Variants in TANGO6 observed in about 807,000 individuals in gnomAD.
TANGO6 encodes the protein transport and golgi organization 6 homolog, also known as transport and Golgi organization protein 6 homolog.
A neutral mutation model predicts 114.2 loss-of-function variants in TANGO6; 90 were observed. The observed-to-expected ratio is 0.79, with a 90% CI of 0.66 to 0.94. The LOEUF (loss-of-function observed/expected upper bound fraction) is 0.94, where lower values mean the gene tolerates loss of function less well. TANGO6 is among the 40% of genes least tolerant of loss of function. TANGO6 has a pLI of 0.00. For synonymous variants in TANGO6, 477 were observed against 509.8 expected (o/e 0.94, Z 0.87); for missense variants, 1,274 against 1,315.3 (o/e 0.97, Z 0.49).
At chr16:69,042,407 C>T (rs932017614) in intron 17 of TANGO6, among the ~76,000 whole-genome samples, 4 of 152,090 alleles carry the variant, frequency 2.6e-5, no homozygotes, top group Admixed American at 2.0e-4. Flanking sequence ...ATTAGCCAGG[C>T]GTGGTGGCAG....
At chr16:68,872,438 A>T (rs764121133) in intron 4 of TANGO6, among the ~76,000 whole-genome samples, 43 of 151,286 alleles carry the variant, frequency 2.8e-4, no homozygotes, top group Non-Finnish European at 5.6e-4. Context: ...AGTAGCTGGG[A>T]CTACAGGTGT....
At chr16:69,057,294 C>G (rs1347912746) in intron 17 of TANGO6, among the ~76,000 whole-genome samples, 1 of 152,056 alleles carries the variant, frequency 6.6e-6, no homozygotes, top group Non-Finnish European at 1.5e-5. Flanking sequence ...ACACAAAACA[C>G]TTTTATTTAG....
intron 16 of TANGO6, among the ~76,000 whole-genome samples, chr16:69,029,457 A>T (rs1959558400): frequency 6.6e-6 from 1 of 152,216 alleles, no homozygotes; most frequent in African/African-American, 2.4e-5. Context: ...AGTATTCCGG[A>T]CACCTAAGAC....
At chr16:68,933,015 C>G (rs1481746980) in intron 14 of TANGO6, among the ~76,000 whole-genome samples, 1 of 152,202 alleles carries the variant, frequency 6.6e-6, no homozygotes, top group Admixed American at 6.5e-5. Context: ...TTGTTATCAT[C>G]ATCAGAATCT....
intron 11 of TANGO6, among the ~76,000 whole-genome samples, chr16:68,913,354 G>A (rs1962953442): frequency 6.6e-6 from 1 of 151,162 alleles, no homozygotes. Context: ...CTAGATGTCT[G>A]CATGTGGAGA....
At chr16:68,881,266 C>T (rs550846204) in intron 7 of TANGO6, among the ~76,000 whole-genome samples, 11 of 152,316 alleles carry the variant, frequency 7.2e-5, no homozygotes, top group African/African-American at 2.2e-4. Context: ...GTCATCCCAG[C>T]ACTTTGAGAG....
intron 8 of TANGO6, 98 bp from the exon 9 acceptor site, chr16:68,902,230 G>C: frequency 8.6e-7 from 1 of 1,164,090 alleles, no homozygotes; most frequent in Non-Finnish European, 1.2e-6. Flanking sequence ...CATTTAAAAT[G>C]CAGTGGAACC....
At chr16:69,041,443 T>C (rs1324593490) in intron 17 of TANGO6, among the ~76,000 whole-genome samples, 1 of 148,192 alleles carries the variant, frequency 6.7e-6, no homozygotes. Flanking sequence ...TGAAATTCTG[T>C]CTCAAAAAAA....
At chr16:69,080,031 C>T (rs1031149008) in intron 17 of TANGO6, among the ~76,000 whole-genome samples, 21 of 151,612 alleles carry the variant, frequency 1.4e-4, no homozygotes, top group African/African-American at 3.4e-4. Flanking sequence ...GACCAGCCTG[C>T]GCAATATAGC....
intron 15 of TANGO6, among the ~76,000 whole-genome samples, chr16:69,021,493 T>C (rs1346456969): frequency 6.6e-6 from 1 of 152,160 alleles, no homozygotes; most frequent in Non-Finnish European, 1.5e-5. Flanking sequence ...TAGTATGTAT[T>C]ACCTTCTAAC....
In TANGO6 at chr16:68,859,955, G is replaced by C. The variant is rs770179368; in HGVS notation, c.166G>C (p.Ala56Pro). ...LLATLKSNLSALEDKFLKDPQ... is the reference protein window; with the variant it reads ...LLATLKSNLSPLEDKFLKDPQ... ...GGCTACTTTAAAATCTAACCTGTCTGCTTTGGAGGACAAGTTTCTGAAGGA... is the reference window on the plus strand; with the variant it reads ...GGCTACTTTAAAATCTAACCTGTCTCCTTTGGAGGACAAGTTTCTGAAGGA... Residue 56 changes from alanine (A) to proline (P), a missense_variant, in exon 2 of 18, where the codon GCT (alanine) becomes CCT (proline). Ala to Pro is a conservative substitution (Grantham distance 27). Coordinates refer to ENST00000261778, the MANE Select transcript of TANGO6 (RefSeq NM_024562.2). 1 of 1,612,494 alleles carries C rather than the reference G, an allele frequency of 6.2e-7. No homozygotes were observed. The highest frequency in any genetic ancestry group is 1.7e-5 in the Admixed American group (1 of 59,934).
chr16:69,023,242 G>A (rs888254899), intron 16 of TANGO6, among the ~76,000 whole-genome samples: 3 of 152,050 alleles, frequency 2.0e-5, no homozygotes, highest in Non-Finnish European at 4.4e-5. Flanking sequence ...GATTGCTTGC[G>A]GCCAGGAGTC....
chr16:69,009,924 T>C (rs1172514203), intron 15 of TANGO6, among the ~76,000 whole-genome samples: 4 of 152,234 alleles, frequency 2.6e-5, no homozygotes, highest in Non-Finnish European at 5.9e-5. Flanking sequence ...AATTATTTCA[T>C]GCATGTACTA....
intron 17 of TANGO6, among the ~76,000 whole-genome samples, chr16:69,041,168 C>T (rs1453508368): frequency 6.6e-6 from 1 of 152,050 alleles, no homozygotes; most frequent in African/African-American, 2.4e-5. Context: ...TGTTTTAGGC[C>T]AGGCTCGGTG....
chr16:68,933,281 G>A (rs1198354066), intron 14 of TANGO6, among the ~76,000 whole-genome samples: 4 of 152,134 alleles, frequency 2.6e-5, no homozygotes, highest in Non-Finnish European at 5.9e-5. Context: ...CAGGCATGGT[G>A]GTGTGTGCCT....
intron 1 of TANGO6, among the ~76,000 whole-genome samples, chr16:68,846,213 A>G (rs1961799990): frequency 6.6e-6 from 1 of 151,804 alleles, no homozygotes; most frequent in Admixed American, 6.6e-5. Flanking sequence ...TTTAATAGAG[A>G]CGGCGTTTCA....
chr16:68,945,158 AGAAGAG>A (rs972761619), intron 14 of TANGO6, among the ~76,000 whole-genome samples: 5 of 152,190 alleles, frequency 3.3e-5, no homozygotes, highest in Admixed American at 3.3e-4. Context: ...AAAAAGAAGA[AGAAGAG>A]GAAGAAGTTT....
chr16:68,856,718 CTGTT>C (rs1279602616), intron 1 of TANGO6, among the ~76,000 whole-genome samples: 3 of 152,182 alleles, frequency 2.0e-5, no homozygotes, highest in Middle Eastern at 3.2e-3. Context: ...TTAGGGTTCA[CTGTT>C]TGTGTTATAT....
At chr16:68,861,505 G>A (rs1458497414) in intron 2 of TANGO6, among the ~76,000 whole-genome samples, 1 of 152,108 alleles carries the variant, frequency 6.6e-6, no homozygotes, top group Non-Finnish European at 1.5e-5. Context: ...TCCTCCTTCC[G>A]GCAGGGTTAT....
Sources: allele counts gnomAD v4.1 joint callset (sites outside exome capture counted in the v4.1 genomes callset), GRCh38; gene constraint gnomAD v4.1.1; transcripts MANE v1.5; gene names NCBI Gene and HGNC (gene_info 2026-07-23, HGNC 2026-07-21).